The following NUB1 variants were observed in gnomAD, a reference collection of about 807,000 sequenced individuals.
NUB1 encodes negative regulator of ubiquitin like proteins 1, also known as NEDD8 ultimate buster 1.
A neutral mutation model predicts 77.1 loss-of-function variants in NUB1; 41 were observed. The ratio of observed to expected loss-of-function variants is 0.53; its 90% CI spans 0.41 to 0.69. The LOEUF (loss-of-function observed/expected upper bound fraction) is 0.69, where lower values mean the gene tolerates loss of function less well. Among genes scored for constraint, NUB1 ranks in the 30% least tolerant of loss-of-function variants. The probability of loss-of-function intolerance (pLI) is 0.00; values close to 1 mark genes in which losing one functional copy is unlikely to be tolerated. For synonymous variants in NUB1, 257 were observed against 281.0 expected (o/e 0.91, Z 0.85); for missense variants, 643 against 743.8 (o/e 0.86, Z 1.58).
chr7:151,360,599 A>G (rs1468510), intron 8 of NUB1: 9,092 of 180,768 alleles, frequency 0.05, 872 homozygotes, highest in East Asian at 0.36. Context: ...TAAGAGCTGT[A>G]TAATGGTGAT....
At chr7:151,362,718 C>T (rs924363292) in intron 8 of NUB1, among the ~76,000 whole-genome samples, 9 of 152,200 alleles carry the variant, frequency 5.9e-5, no homozygotes, top group Admixed American at 5.9e-4. Context: ...GAGGAGCAAG[C>T]TGCCAGAGAG....
intron 11 of NUB1, 150 bp from the exon 12 acceptor site, chr7:151,373,947 G>C (rs1022938629): frequency 1.8e-5 from 14 of 784,402 alleles, no homozygotes; most frequent in Non-Finnish European, 2.4e-5. Context: ...CCATTTGGCT[G>C]GGTGAGGAGA....
At chr7:151,342,503 C>G (rs1218994652) in intron 1 of NUB1, among the ~76,000 whole-genome samples, 1 of 152,098 alleles carries the variant, frequency 6.6e-6, no homozygotes, top group Admixed American at 6.5e-5. Flanking sequence ...CTGCTTGGAC[C>G]ACGGAGTGAT....
At chr7:151,360,595 C>A in intron 8 of NUB1, 1 of 194,276 alleles carries the variant, frequency 5.1e-6, no homozygotes, top group Non-Finnish European at 1.1e-5. Context: ...TGTTTAAGAG[C>A]TGTATAATGG....
At chr7:151,363,422 T>C (rs1420846249) in intron 8 of NUB1, among the ~76,000 whole-genome samples, 1 of 140,992 alleles carries the variant, frequency 7.1e-6, no homozygotes, top group Non-Finnish European at 1.5e-5. Context: ...CATAAGGCAA[T>C]AGAAACTATC....
rs1797770606 is a variant in NUB1, at chr7:151,367,918, C to A, written c.1045C>A (p.Arg349=). 1 of 1,600,028 alleles carries A rather than the reference C, an allele frequency of 6.2e-7. No individual in the cohort carries two copies. ...FLRLYLLQGI[R]NYHSGNDVEA... is the part of the protein sequence containing the mutation. The stretch of plus-strand genomic sequence containing the variant: ...AAGACTCTACTTACTTCAAGGGATC[C>A]GAAACTATCACAGTGGAAATGATGT... Residue 349 remains arginine, a synonymous_variant, in exon 10 of 15, where the codon CGA becomes AGA. Transcript: ENST00000568733.
intron 8 of NUB1, among the ~76,000 whole-genome samples, chr7:151,364,365 G>A (rs1405775983): frequency 2.7e-5 from 4 of 148,910 alleles, no homozygotes; most frequent in African/African-American, 9.8e-5. Flanking sequence ...AGCTTGCAGT[G>A]AGCCGAGATT....
At chr7:151,375,597 G>A (rs760162334) in intron 12 of NUB1, among the ~76,000 whole-genome samples, 1 of 152,176 alleles carries the variant, frequency 6.6e-6, no homozygotes, top group African/African-American at 2.4e-5. Context: ...GCTTCCACCT[G>A]CTCTCCATCC....
At chr7:151,344,180 CAAAAA>C (rs561127147) in intron 1 of NUB1, among the ~76,000 whole-genome samples, 10 of 45,636 alleles carry the variant, frequency 2.2e-4, no homozygotes, top group Admixed American at 2.1e-3. Context: ...GACTCCCTCT[CAAAAA>C]AAAAAAAAAA....
rs1313453912 is a variant in NUB1 at position 151,356,154 on chromosome 7, A to G, written c.625A>G (p.Met209Val). 1.2e-6 allele frequency: 2 copies of G among 1,613,964 alleles called. No individual in the cohort carries two copies. The highest frequency in any genetic ancestry group is 8.5e-7 in the Non-Finnish European group (1 of 1,179,820). The change falls in exon 7 of 15, where the codon ATG becomes GTG. Residue 209 changes from methionine to valine, a missense_variant. By Grantham distance (21) the Met-to-Val change is conservative. Transcript: ENST00000568733. ...RAAETVVDPE[M>V]TPYLDIANQT... ...AGCAGAGACAGTGGTGGATCCAGAA[A>G]TGACACCGTACTTAGACATAGCTAA...
chr7:151,363,086 C>T (rs1444430176), intron 8 of NUB1, among the ~76,000 whole-genome samples: 1 of 152,164 alleles, frequency 6.6e-6, no homozygotes, highest in South Asian at 2.1e-4. Context: ...TCAAAAATAT[C>T]CAGCATCCAC....
At chr7:151,342,567 A>G (rs2150651700) in intron 1 of NUB1, among the ~76,000 whole-genome samples, 1 of 152,352 alleles carries the variant, frequency 6.6e-6, no homozygotes. Context: ...TATGGCATGC[A>G]TGAAACTTTT....
chr7:151,366,598 C>G (rs1307827868), intron 8 of NUB1, among the ~76,000 whole-genome samples: 2 of 152,192 alleles, frequency 1.3e-5, no homozygotes, highest in African/African-American at 4.8e-5. Flanking sequence ...GAAGTCACAG[C>G]TTTAAAGCAT....
chr7:151,366,939 T>C lies in NUB1; in HGVS notation c.801T>C (p.Cys267=). ...GATGTCACTGTCCTTCTCTTTCCAG[T>C]GAGTGTTGCAGAGAGCTGCTGGACA... is the stretch of plus-strand genomic sequence containing the variant. ...PCLLDADKYF[C]ECCRELLDTV... The change falls in exon 9 of 15, where the codon TGT becomes TGC. Residue 267 remains cysteine, a splice_region_variant and synonymous_variant. Coordinates refer to ENST00000568733, the MANE Select transcript of NUB1 (RefSeq NM_001243351.2). The C allele has an allele frequency of 6.3e-7, 1 of 1,585,226 alleles. No individual in the cohort carries two copies. The highest frequency in any genetic ancestry group is 8.6e-7 in the Non-Finnish European group (1 of 1,165,520).
rs760120083 is a variant in NUB1, at chr7:151,376,654, T to G, written c.1512T>G (p.Asp504Glu). 6.2e-7 allele frequency: 1 copy of G among 1,611,294 alleles called. No individual in the cohort carries two copies. Among genetic ancestry groups the G allele is most frequent in the Non-Finnish European group, 8.5e-7 (1 of 1,178,952 alleles). The change falls in exon 14 of 15, where the codon GAT becomes GAG. Residue 504 changes from aspartate (D) to glutamate (E), a missense_variant. Asp to Glu is a conservative substitution (Grantham distance 45). Transcript: ENST00000568733. ...NIDRLVYMGF[D>E]ALVAEAALRV... The stretch of plus-strand genomic sequence containing the variant: ...CCTAGTTGGTGTACATGGGTTTTGA[T>G]GCACTCGTGGCCGAAGCTGCGCTGA...
At chr7:151,344,050 G>A (rs1416917587) in intron 1 of NUB1, among the ~76,000 whole-genome samples, 3 of 150,624 alleles carry the variant, frequency 2.0e-5, no homozygotes, top group East Asian at 2.0e-4. Flanking sequence ...GCGTGGTGGC[G>A]GGCGCCTGTA....
At chr7:151,363,863 C>T (rs891584137) in intron 8 of NUB1, among the ~76,000 whole-genome samples, 3 of 151,894 alleles carry the variant, frequency 2.0e-5, no homozygotes, top group Non-Finnish European at 4.4e-5. Context: ...CTGCAATCTC[C>T]GCCCACTGTA....
intron 1 of NUB1, among the ~76,000 whole-genome samples, chr7:151,342,124 G>A (rs945859551): frequency 4.6e-5 from 7 of 152,222 alleles, no homozygotes; most frequent in African/African-American, 1.7e-4. Flanking sequence ...TATCGGTTTG[G>A]GGAGAGAAAG....
chr7:151,352,030 G>A (rs1010638339), intron 4 of NUB1: 5 of 453,810 alleles, frequency 1.1e-5, no homozygotes, highest in African/African-American at 1.0e-4. Flanking sequence ...GCACCTCCAG[G>A]GCTAGCTAGC....
Sources: allele counts gnomAD v4.1 joint callset (sites outside exome capture counted in the v4.1 genomes callset), GRCh38; gene constraint gnomAD v4.1.1; transcripts MANE v1.5; gene names NCBI Gene and HGNC (gene_info 2026-07-23, HGNC 2026-07-21).